The following SYMPK variants were observed in gnomAD, a reference collection of about 807,000 sequenced individuals.
SYMPK encodes symplekin.
SYMPK carries 49 observed loss-of-function variants against 136.4 expected under a neutral mutation model. The observed-to-expected ratio is 0.36, with a 90% CI of 0.29 to 0.46. The LOEUF is 0.46. Ranked by LOEUF, SYMPK falls within the 20% of genes least tolerant of loss-of-function variation. SYMPK has a pLI of 1.00. For missense variants in SYMPK, 1,365 were observed against 1,690.0 expected (o/e 0.81, Z 3.37); for synonymous variants, 766 against 713.0 (o/e 1.07, Z -1.19).
At chr19:45,854,528 G>A in intron 1 of SYMPK, 21 bp from the exon 2 acceptor site, 1 of 1,599,126 alleles carries the variant, frequency 6.3e-7, no homozygotes, top group East Asian at 2.2e-5. Flanking sequence ...GGAAAGAAGA[G>A]GATGGATCAA....
intron 16 of SYMPK, 61 bp from the exon 17 acceptor site, chr19:45,826,434 C>A: frequency 2.5e-6 from 4 of 1,570,494 alleles, no homozygotes; most frequent in Non-Finnish European, 3.5e-6. Context: ...AACAGCTATT[C>A]CTGCGAGCAT....
intron 1 of SYMPK, among the ~76,000 whole-genome samples, chr19:45,857,459 C>CA (rs1009154655): frequency 3.4e-5 from 5 of 147,008 alleles, no homozygotes; most frequent in South Asian, 2.2e-4. Context: ...ACAAACATGC[C>CA]AAAAAAACAA....
At chr19:45,848,686 A>G in intron 6 of SYMPK, 64 bp downstream of exon 6, 1 of 1,606,450 alleles carries the variant, frequency 6.2e-7, no homozygotes, top group Admixed American at 1.7e-5. Flanking sequence ...TTGAACCCCA[A>G]CATATTAGTT....
Position 45,827,881 on chromosome 19 carries a change from T to A in SYMPK, c.2023A>T (p.Thr675Ser). Reference protein sequence around the residue: ...TKVVLEAPLITESALEVVRKY... With the variant: ...TKVVLEAPLISESALEVVRKY... ...CGGACCACCTCCAGGGCACTCTCTG[T>A]GATGAGTGGCGCCTCCAGCACAACC... The change falls in exon 15 of 27, where the codon ACA (threonine) becomes TCA (serine). Residue 675 changes from threonine to serine, a missense_variant. Physicochemically the swap from Thr to Ser is moderately conservative, Grantham distance 58 (BLOSUM62 1). Coordinates refer to ENST00000245934, the MANE Select transcript of SYMPK (RefSeq NM_004819.3). 6.2e-7 allele frequency: 1 copy of A among 1,613,954 alleles called. No individual in the cohort carries two copies.
intron 5 of SYMPK, among the ~76,000 whole-genome samples, chr19:45,849,416 C>T (rs1971645508): frequency 6.6e-6 from 1 of 152,108 alleles, no homozygotes; most frequent in East Asian, 1.9e-4. Context: ...CCAGCAGGGT[C>T]ATTTTCATTG....
At chr19:45,831,299 ACG>A (rs1491089766) in intron 12 of SYMPK, 83 bp downstream of exon 12, 67 of 1,127,652 alleles carry the variant, frequency 5.9e-5, no homozygotes, top group African/African-American at 4.9e-4. Flanking sequence ...ACACACGCAC[ACG>A]CACACGCACA....
At position 45,823,865 on chromosome 19, in the gene SYMPK, A is replaced by G. The variant is rs528434590; in HGVS notation, c.2501T>C (p.Met834Thr). The G allele has an allele frequency of 2.5e-6, 4 of 1,613,942 alleles. No homozygotes were observed. The East Asian group carries it at 6.7e-5, about 27-fold the overall frequency. The change falls in exon 19 of 27, where the codon ATG becomes ACG. Residue 834 changes from methionine to threonine, a missense_variant. Transcript: ENST00000245934. ...LRVIEQPIRG[M>T]GMNSPELLLL... ...GAGCAGCTCCGGGGAGTTCATGCCC[A>G]TTCCTCGGATCTAGAGGCAGAGACA...
In SYMPK at chr19:45,816,818, G is replaced by C. The variant is rs748803664; in HGVS notation, c.3238C>G (p.Arg1080Gly). The part of the protein sequence containing the change: ...ELREPLLAHV[R>G]SFTPHQQAHI... Reference sequence around the variant, plus strand: ...GGTACCTGGTGGGGGGTGAAGGAGCGGACATGGGCCAGCAGGGGCTCCCGG... The same window carrying C: ...GGTACCTGGTGGGGGGTGAAGGAGCCGACATGGGCCAGCAGGGGCTCCCGG... The change falls in exon 24 of 27, where the codon CGC becomes GGC. Residue 1080 changes from arginine (R) to glycine (G), a missense_variant. Coordinates refer to ENST00000245934, the MANE Select transcript of SYMPK (RefSeq NM_004819.3). 13 of 1,541,086 alleles carry C rather than the reference G, an allele frequency of 8.4e-6. No individual in the cohort carries two copies. The highest frequency in any genetic ancestry group is 1.4e-5 in the African/African-American group (1 of 72,492).
chr19:45,839,156 T>C (rs1260235667), intron 9 of SYMPK, among the ~76,000 whole-genome samples: 1 of 152,180 alleles, frequency 6.6e-6, no homozygotes, highest in East Asian at 1.9e-4. Context: ...CCCAAAGTGC[T>C]AGGATTACAG....
In SYMPK at chr19:45,830,128, C is replaced by T; in HGVS notation, c.1675G>A (p.Glu559Lys). The T allele has an allele frequency of 6.3e-7, 1 of 1,599,574 alleles. No individual in the cohort carries two copies. The change falls in exon 13 of 27, where the codon GAA becomes AAA. Residue 559 changes from glutamate (E) to lysine (K), a missense_variant. Glu to Lys is a moderately conservative substitution (Grantham distance 56). Transcript: ENST00000245934. ...TTCACAGCGCCCAGCTTCATGGCTT[C>T]CACCTGGGCATCGGTAAGGGGCTTC... is the stretch of plus-strand genomic sequence containing the variant. ...VLKPLTDAQV[E>K]AMKLGAVKRI...
At position 45,831,643 on chromosome 19, in the gene SYMPK, C is replaced by T. The variant is rs1600506353; in HGVS notation, c.1394-55G>A. 9.7e-6 allele frequency: 14 copies of T among 1,443,110 alleles called. No homozygotes were observed. The East Asian group carries it at 3.5e-4, about 36-fold the overall frequency. The allele number at this position is 1,443,110 out of a possible 1,614,324, so 89.4% of individuals were successfully genotyped here. On this transcript the variant is annotated intron_variant, in intron 11 of 26. Transcript: ENST00000245934. ...GTGCGTCAGACCCACCTGCTCCAAC[C>T]CGAGGACCTCCTGTGTGCCTGGCTC...
chr19:45,839,809 G>C (rs1307077679), intron 9 of SYMPK, among the ~76,000 whole-genome samples: 3 of 151,734 alleles, frequency 2.0e-5, no homozygotes, highest in East Asian at 3.9e-4. Flanking sequence ...TCCAGCCTGG[G>C]CAACAGAGCG....
At chr19:45,828,696 G>A in intron 14 of SYMPK, 1 of 514,852 alleles carries the variant, frequency 1.9e-6, no homozygotes, top group Non-Finnish European at 3.5e-6. Flanking sequence ...TGGGAAAATG[G>A]CAGAGAGAGG....
Position 45,815,522 on chromosome 19 carries a change from CGAGT to C in SYMPK, c.*34_*37del. The C allele has an allele frequency of 2.5e-5, 35 of 1,408,214 alleles. No individual in the cohort carries two copies. Among genetic ancestry groups the C allele is most frequent in the Non-Finnish European group, 3.0e-5 (32 of 1,054,306 alleles). The allele number at this position is 1,408,214 out of a possible 1,614,324, so 87.2% of individuals were successfully genotyped here. ...CAAGCCCCGCCCCGTCCCCCAGCCC[CGAGT>C]CCCTGTCCCACCCCCTTTCCCCCTC... On this transcript the variant is annotated 3_prime_UTR_variant, in exon 27 of 27. Coordinates refer to ENST00000245934, the MANE Select transcript of SYMPK (RefSeq NM_004819.3).
chr19:45,833,418 G>C (rs369744648), intron 11 of SYMPK, among the ~76,000 whole-genome samples: 1 of 151,956 alleles, frequency 6.6e-6, no homozygotes, highest in East Asian at 1.9e-4. Flanking sequence ...TGGCTAACAC[G>C]GTGAAACCCC....
chr19:45,847,978 A>T lies in SYMPK; in HGVS notation c.450T>A (p.Ile150=). ...CCCAGCAGGCCTCCTGTAGCTCGCT[A>T]ATGACCCGTGACTTTACCATCCACT... ...ALQWMVKSRV[I]SELQEACWDM... Residue 150 remains isoleucine, a synonymous_variant, in exon 7 of 27, where the codon ATT becomes ATA. Transcript: ENST00000245934. 6.3e-7 allele frequency: 1 copy of T among 1,599,024 alleles called. No homozygotes were observed.
At chr19:45,858,225 CT>C (rs1453299048) in intron 1 of SYMPK, among the ~76,000 whole-genome samples, 1 of 152,204 alleles carries the variant, frequency 6.6e-6, no homozygotes, top group Non-Finnish European at 1.5e-5. Flanking sequence ...CTGTCACCCC[CT>C]ATCTTGCTCA....
intron 16 of SYMPK, 37 bp from the exon 17 acceptor site, chr19:45,826,410 G>A: frequency 1.2e-6 from 2 of 1,606,294 alleles, no homozygotes; most frequent in East Asian, 2.2e-5. Context: ...GGTCAGGGAA[G>A]AGGTAAGAGG....
chr19:45,844,901 T>G (rs1444423547), intron 7 of SYMPK, among the ~76,000 whole-genome samples: 1 of 152,148 alleles, frequency 6.6e-6, no homozygotes, highest in Non-Finnish European at 1.5e-5. Flanking sequence ...TAAAAAATTT[T>G]AATGGGTATA....
Sources: allele counts gnomAD v4.1 joint callset (sites outside exome capture counted in the v4.1 genomes callset), GRCh38; gene constraint gnomAD v4.1.1; transcripts MANE v1.5; gene names NCBI Gene and HGNC (gene_info 2026-07-23, HGNC 2026-07-21).